Variants in ILRUN observed in about 807,000 individuals in gnomAD.
ILRUN encodes protein ILRUN.
ILRUN carries 3 observed loss-of-function variants against 33.8 expected under a neutral mutation model. That is an observed-to-expected ratio of 0.09 (90% confidence interval 0.04 to 0.23). The LOEUF (loss-of-function observed/expected upper bound fraction) is 0.23, where lower values mean the gene tolerates loss of function less well. Ranked by LOEUF, ILRUN falls within the 10% of genes least tolerant of loss-of-function variation. The pLI, the probability that ILRUN is intolerant of heterozygous loss-of-function variation, is 1.00. For synonymous variants in ILRUN, 124 were observed against 138.9 expected, an observed-to-expected ratio of 0.89 and a Z score of 0.75; for missense variants, 210 against 375.1, an observed-to-expected ratio of 0.56 and a Z score of 3.64.
In ILRUN at chr6:34,627,694, G is replaced by A. The variant is rs137908344; in HGVS notation, c.511+18907C>T. ...TTTCTTTGGTGAGATATCTGTTCAGGTCTTTGGCCCTTTTTTTTTTTTTTT... is the reference window on the plus strand; with the variant it reads ...TTTCTTTGGTGAGATATCTGTTCAGATCTTTGGCCCTTTTTTTTTTTTTTT... On this transcript the variant is annotated intron_variant, in intron 3 of 4. Coordinates refer to ENST00000374023, the MANE Select transcript of ILRUN (RefSeq NM_024294.4). Among the ~76,000 whole-genome samples the A allele has an allele frequency of 9.7e-4, 143 of 147,062 alleles. 1 individual carries two copies. The highest frequency in any genetic ancestry group is 3.6e-3 in the African/African-American group (143 of 39,858).
At chr6:34,617,291 C>A in intron 3 of ILRUN, 1 of 347,290 alleles carries the variant, frequency 2.9e-6, no homozygotes, top group South Asian at 2.4e-5. Flanking sequence ...CTAATCTAGT[C>A]AGTTAATAAA....
intron 1 of ILRUN, among the ~76,000 whole-genome samples, chr6:34,694,626 G>A (rs1763717154): frequency 6.6e-6 from 1 of 152,116 alleles, no homozygotes; most frequent in Non-Finnish European, 1.5e-5. Context: ...GATTACAAAT[G>A]ATTAATTCTA....
chr6:34,684,764 G>A lies in ILRUN; in HGVS notation c.158+11682C>T, dbSNP rs114927866. Among the ~76,000 whole-genome samples, 450 of 152,278 alleles carry A rather than the reference G, an allele frequency of 3.0e-3. 2 individuals carry two copies. Among genetic ancestry groups the A allele is most frequent in the African/African-American group, 9.6e-3 (399 of 41,558 alleles). On this transcript the variant is annotated intron_variant, in intron 1 of 4. Transcript: ENST00000374023. The stretch of plus-strand genomic sequence containing the variant: ...AGTAGGAGAAACAAGTTTAAAATTG[G>A]GAGAGCAAAAGTTTACGTGGGAATG...
intron 1 of ILRUN, among the ~76,000 whole-genome samples, chr6:34,668,794 C>T (rs1258732975): frequency 6.6e-6 from 1 of 151,886 alleles, no homozygotes; most frequent in Non-Finnish European, 1.5e-5. Flanking sequence ...TCATCTCAGC[C>T]TCCCAAGTAG....
intron 1 of ILRUN, among the ~76,000 whole-genome samples, chr6:34,678,533 C>T (rs567234638): frequency 6.6e-6 from 1 of 151,938 alleles, no homozygotes; most frequent in Admixed American, 6.5e-5. Flanking sequence ...AACATTATTA[C>T]TTTTACAATT....
chr6:34,690,221 G>T (rs1191229936), intron 1 of ILRUN, among the ~76,000 whole-genome samples: 1 of 152,192 alleles, frequency 6.6e-6, no homozygotes. Context: ...AGCACTTTGG[G>T]AGGCTGAGGC....
Position 34,646,903 on chromosome 6 carries a change from A to G in ILRUN, c.314-105T>C, listed in dbSNP as rs1762573100. 1.0e-6 allele frequency: 1 copy of G among 1,000,276 alleles called. No individual in the cohort carries two copies. Among genetic ancestry groups the G allele is most frequent in the African/African-American group, 1.6e-5 (1 of 62,838 alleles). 62.0% of individuals were successfully genotyped at this position (1,000,276 alleles called of 1,614,324 possible). Reference sequence around the variant, plus strand: ...AGGCCTCTTTCTTTTTCTCACATACATACATAAACCTAACCACATATACCT... The same window carrying G: ...AGGCCTCTTTCTTTTTCTCACATACGTACATAAACCTAACCACATATACCT... On this transcript the variant is annotated intron_variant, in intron 2 of 4. Transcript: ENST00000374023. The surrounding 1 kb of genome is among the most constrained non-coding windows in gnomAD (Gnocchi z 4.9).
At chr6:34,675,077 T>A (rs1763200724) in intron 1 of ILRUN, among the ~76,000 whole-genome samples, 1 of 152,132 alleles carries the variant, frequency 6.6e-6, no homozygotes, top group African/African-American at 2.4e-5. Context: ...GGTTAAGAGT[T>A]CTAGACCAGC....
chr6:34,628,419 G>A (rs1582059076), intron 3 of ILRUN, among the ~76,000 whole-genome samples: 1 of 151,896 alleles, frequency 6.6e-6, no homozygotes, highest in African/African-American at 2.4e-5. Flanking sequence ...CGCCTCCCAG[G>A]TTCACGCCAT....
At chr6:34,690,868 G>A (rs999550455) in intron 1 of ILRUN, among the ~76,000 whole-genome samples, 1 of 152,252 alleles carries the variant, frequency 6.6e-6, no homozygotes, top group African/African-American at 2.4e-5. Context: ...TACAAGAATA[G>A]GACAGATGGC....
intron 2 of ILRUN, among the ~76,000 whole-genome samples, chr6:34,651,878 T>C (rs910020329): frequency 2.0e-5 from 3 of 150,002 alleles, no homozygotes; most frequent in Non-Finnish European, 3.0e-5. Context: ...CTACAACCTC[T>C]GCCTCCTGGG....
chr6:34,637,762 C>T (rs1227887503), intron 3 of ILRUN, among the ~76,000 whole-genome samples: 3 of 152,016 alleles, frequency 2.0e-5, no homozygotes, highest in African/African-American at 7.3e-5. Flanking sequence ...TTTTTGATGG[C>T]CCATAGAAGG....
At chr6:34,656,304 T>C (rs1227555525) in intron 1 of ILRUN, among the ~76,000 whole-genome samples, 2 of 151,408 alleles carry the variant, frequency 1.3e-5, no homozygotes, top group African/African-American at 4.9e-5. Context: ...TAAATGTTGG[T>C]GTTCTTTTTA....
chr6:34,689,977 T>C (rs972992559), intron 1 of ILRUN, among the ~76,000 whole-genome samples: 4 of 152,020 alleles, frequency 2.6e-5, no homozygotes, highest in South Asian at 2.1e-4. Context: ...AGTAGCCTAA[T>C]AGGAGGTAGA....
intron 1 of ILRUN, among the ~76,000 whole-genome samples, chr6:34,689,272 C>T (rs763225863): frequency 6.7e-6 from 1 of 149,340 alleles, no homozygotes; most frequent in Non-Finnish European, 1.5e-5. Flanking sequence ...AGTTCAAGGC[C>T]GTAGTGTGCT....
At chr6:34,623,180 T>C (rs1762043932) in intron 3 of ILRUN, among the ~76,000 whole-genome samples, 2 of 152,192 alleles carry the variant, frequency 1.3e-5, no homozygotes, top group Admixed American at 1.3e-4. Context: ...CCTGTGAATA[T>C]ACTTATTGCC....
chr6:34,616,643 G>C (rs1331091577), intron 3 of ILRUN: 1 of 1,471,242 alleles, frequency 6.8e-7, no homozygotes, highest in Non-Finnish European at 9.4e-7. Flanking sequence ...AAAGAAGTTT[G>C]CCCAAAAGGT....
intron 2 of ILRUN, among the ~76,000 whole-genome samples, chr6:34,651,749 T>TATA (rs1346248466): frequency 9.2e-4 from 129 of 139,748 alleles, no homozygotes; most frequent in African/African-American, 3.3e-3. Context: ...AAAAAAAAAA[T>TATA]TATATATATA....
intron 3 of ILRUN, among the ~76,000 whole-genome samples, chr6:34,636,619 A>G (rs1198813167): frequency 6.6e-6 from 1 of 152,246 alleles, no homozygotes; most frequent in Non-Finnish European, 1.5e-5. Context: ...ACTACATTCT[A>G]AACAATAATT....
Sources: gnomAD v4.1 joint callset for allele counts (sites outside exome capture counted in the v4.1 genomes callset) on GRCh38, gnomAD v4.1.1 for gene constraint, Gnocchi (gnomAD v3.1) non-coding constraint, MANE v1.5 for transcripts, NCBI Gene and HGNC (gene_info 2026-07-23, HGNC 2026-07-21) for gene names.